CADM2: variants seen among roughly 807,000 people sequenced by gnomAD.
CADM2 encodes the protein immunoglobulin superfamily member 4D.
In CADM2, 12 loss-of-function variants were observed where a neutral mutation model predicts 49.8. That is an observed-to-expected ratio of 0.24 (90% CI 0.15 to 0.39). CADM2 has a LOEUF of 0.39. Among genes scored for constraint, CADM2 ranks in the 10% least tolerant of loss-of-function variants. CADM2 has a pLI of 1.00. For synonymous variants in CADM2, 214 were observed against 175.4 expected (o/e 1.22, Z -1.74); for missense variants, 378 against 492.3 (o/e 0.77, Z 2.20).
Position 86,069,572 on chromosome 3 carries a change from T to A in CADM2, c.*2789T>A, listed in dbSNP as rs1739662662. 6.6e-6 allele frequency: 1 copy of A among 151,976 alleles called. No individual in the cohort carries two copies. The highest frequency in any genetic ancestry group is 6.6e-5 in the Admixed American group (1 of 15,248). The allele number at this position is 151,976 out of a possible 1,614,324, so 9.4% of individuals were successfully genotyped here. A position where few individuals can be genotyped will look rare whatever the true frequency, so the allele number is the denominator to read the frequency against. ...TCCAACAAGTCAGAAAATAATGACA[T>A]AATATTTCTAAATGAGAATGATGTC... On this transcript the variant is annotated 3_prime_UTR_variant, in exon 10 of 10. Transcript: ENST00000383699.
chr3:86,064,323 C>A (rs182989836), intron 8 of CADM2, among the ~76,000 whole-genome samples: 1 of 151,896 alleles, frequency 6.6e-6, no homozygotes, highest in African/African-American at 2.4e-5. Context: ...TTTGTCCTTG[C>A]GATAGTTTGC....
chr3:85,513,447 A>G (rs750282249), intron 1 of CADM2, among the ~76,000 whole-genome samples: 3 of 151,960 alleles, frequency 2.0e-5, no homozygotes, highest in Non-Finnish European at 4.4e-5. Flanking sequence ...ATGATTATAC[A>G]TTATGCCACA....
chr3:85,133,070 T>A (rs926543815), intron 1 of CADM2, among the ~76,000 whole-genome samples: 1 of 152,116 alleles, frequency 6.6e-6, no homozygotes, highest in African/African-American at 2.4e-5. Context: ...AGTCTAGAGT[T>A]GTTCCTTCCT....
chr3:85,153,648 A>C (rs1272625556), intron 1 of CADM2, among the ~76,000 whole-genome samples: 1 of 152,106 alleles, frequency 6.6e-6, no homozygotes, highest in Non-Finnish European at 1.5e-5. Flanking sequence ...GCACAGACAA[A>C]CAAAAAGACA....
chr3:85,842,212 G>T (rs2074669569), intron 3 of CADM2, among the ~76,000 whole-genome samples: 1 of 152,014 alleles, frequency 6.6e-6, no homozygotes, highest in South Asian at 2.1e-4. Context: ...GTTCTGCGAG[G>T]TCCCACACTG....
At chr3:85,688,940 C>A (rs184912726) in intron 1 of CADM2, among the ~76,000 whole-genome samples, 1 of 152,114 alleles carries the variant, frequency 6.6e-6, no homozygotes, top group Non-Finnish European at 1.5e-5. Flanking sequence ...TATGTAGTTA[C>A]CCAAGAGAAA....
chr3:85,901,039 A>G (rs971787479), intron 5 of CADM2, among the ~76,000 whole-genome samples: 10 of 152,172 alleles, frequency 6.6e-5, no homozygotes, highest in Admixed American at 3.9e-4. Flanking sequence ...TCTATGAAAA[A>G]TACAAAAATT....
intron 2 of CADM2, among the ~76,000 whole-genome samples, chr3:85,748,855 A>T (rs189220266): frequency 6.6e-6 from 1 of 152,142 alleles, no homozygotes. Context: ...TGGTGGATAA[A>T]TGAATTAATT....
At chr3:85,429,796 C>T (rs539634820) in intron 1 of CADM2, among the ~76,000 whole-genome samples, 89 of 152,216 alleles carry the variant, frequency 5.8e-4, no homozygotes, top group African/African-American at 2.0e-3. Flanking sequence ...GACCCACTTC[C>T]TATTTGTGTA....
intron 1 of CADM2, among the ~76,000 whole-genome samples, chr3:85,330,201 TAAC>T (rs1176276260): frequency 2.6e-5 from 4 of 152,176 alleles, no homozygotes; most frequent in Non-Finnish European, 5.9e-5. Context: ...TTTGGGCCAT[TAAC>T]CAGCAGTGTG....
intron 1 of CADM2, among the ~76,000 whole-genome samples, chr3:84,970,852 T>A (rs769200185): frequency 1.3e-5 from 2 of 152,052 alleles, no homozygotes; most frequent in Non-Finnish European, 2.9e-5. Flanking sequence ...CATCAACTTT[T>A]CAGAGACTAG....
chr3:85,630,955 A>G (rs1331766434), intron 1 of CADM2, among the ~76,000 whole-genome samples: 1 of 152,096 alleles, frequency 6.6e-6, no homozygotes, highest in African/African-American at 2.4e-5. Context: ...TACGGCTATA[A>G]GACATATCTA....
chr3:85,601,068 C>A (rs1429435582), intron 1 of CADM2, among the ~76,000 whole-genome samples: 1 of 145,318 alleles, frequency 6.9e-6, no homozygotes, highest in Non-Finnish European at 1.5e-5. Flanking sequence ...ATATATATAT[C>A]TGCCTATCTT....
At chr3:85,102,859 A>G (rs1200842177) in intron 1 of CADM2, among the ~76,000 whole-genome samples, 2 of 152,120 alleles carry the variant, frequency 1.3e-5, no homozygotes, top group Non-Finnish European at 2.9e-5. Flanking sequence ...AAAATGTGGG[A>G]GGAAGGAAAG....
intron 2 of CADM2, among the ~76,000 whole-genome samples, chr3:85,728,174 G>T (rs1200616694): frequency 6.6e-6 from 1 of 152,118 alleles, no homozygotes; most frequent in African/African-American, 2.4e-5. Context: ...ACAGGTATCT[G>T]TCAAGTCATT....
At chr3:85,097,509 G>C (rs1329220115) in intron 1 of CADM2, among the ~76,000 whole-genome samples, 1 of 152,154 alleles carries the variant, frequency 6.6e-6, no homozygotes, top group Non-Finnish European at 1.5e-5. Context: ...CTTTGGGTAT[G>C]TACCCAGCAA....
chr3:85,112,887 A>G (rs907412909), intron 1 of CADM2, among the ~76,000 whole-genome samples: 6 of 151,756 alleles, frequency 4.0e-5, no homozygotes, highest in Non-Finnish European at 5.9e-5. Context: ...TAATATATAC[A>G]TAATTTTATA....
intron 2 of CADM2, among the ~76,000 whole-genome samples, chr3:85,733,431 C>T (rs1344220725): frequency 6.6e-6 from 1 of 152,170 alleles, no homozygotes; most frequent in Non-Finnish European, 1.5e-5. Context: ...CATGCATTTG[C>T]TCTATGGATT....
intron 1 of CADM2, among the ~76,000 whole-genome samples, chr3:85,424,741 C>G (rs371309356): frequency 8.5e-5 from 13 of 152,128 alleles, no homozygotes; most frequent in African/African-American, 7.2e-5. Context: ...TTAAAAATCT[C>G]TTTGATTTCA....
Sources: gnomAD v4.1 joint callset for allele counts (sites outside exome capture counted in the v4.1 genomes callset) on GRCh38, gnomAD v4.1.1 for gene constraint, MANE v1.5 for transcripts, NCBI Gene and HGNC (gene_info 2026-07-23, HGNC 2026-07-21) for gene names.